FKBP1B: variants seen among roughly 807,000 people sequenced by gnomAD.
FKBP1B encodes FKBP prolyl isomerase 1B.
Under a neutral mutation model 13.5 loss-of-function variants are expected in FKBP1B, and 4 were observed. The observed-to-expected ratio is 0.30, with a 90% CI of 0.15 to 0.68. The LOEUF is 0.68. FKBP1B is among the 30% of genes least tolerant of loss of function. The probability of loss-of-function intolerance (pLI) is 0.76; values close to 1 mark genes in which losing one functional copy is unlikely to be tolerated. For missense variants in FKBP1B, 93 were observed against 136.2 expected (o/e 0.68, Z 1.58); for synonymous variants, 54 against 53.6 (o/e 1.01, Z -0.03).
At chr2:24,038,727 T>G in the FKBP1B span, 15 of 1,614,254 alleles carry the variant, frequency 9.3e-6, no homozygotes, top group Non-Finnish European at 1.3e-5. Context: ...TAGAGCGTAC[T>G]TCACCAATAA....
intron 3 of FKBP1B, 125 bp from the exon 4 acceptor site, chr2:24,062,939 C>T: frequency 1.4e-6 from 2 of 1,401,682 alleles, no homozygotes; most frequent in South Asian, 2.5e-5. Context: ...ATGTAAAATT[C>T]ATCTGAGATC....
chr2:24,040,029 G>A, the FKBP1B span, among the ~76,000 whole-genome samples: 473 of 152,116 alleles, frequency 3.1e-3, no homozygotes, highest in Non-Finnish European at 4.9e-3. Context: ...TCAAACTCCT[G>A]ACCTCAGGCA....
At chr2:24,057,154 TTTC>T (rs1664163613) in intron 2 of FKBP1B, among the ~76,000 whole-genome samples, 1 of 151,992 alleles carries the variant, frequency 6.6e-6, no homozygotes, top group Non-Finnish European at 1.5e-5. Context: ...TAGTTTATAT[TTTC>T]TTCTTTTCTT....
chr2:24,035,936 GCAC>G, the FKBP1B span, among the ~76,000 whole-genome samples: 1 of 151,802 alleles, frequency 6.6e-6, no homozygotes, highest in African/African-American at 2.4e-5. Context: ...AGGTGTGGTG[GCAC>G]GTGCCTGTAA....
chr2:24,063,479 T>TTCATGATA lies in FKBP1B; in HGVS notation c.*287_*288insTCATGATA. 9.1e-6 allele frequency: 3 copies of TTCATGATA among 328,394 alleles called. No homozygotes were observed. The highest frequency in any genetic ancestry group is 2.1e-4 in the South Asian group (2 of 9,632). 20.3% of individuals were successfully genotyped at this position (328,394 alleles called of 1,614,324 possible). A position where few individuals can be genotyped will look rare whatever the true frequency, so the allele number is the denominator to read the frequency against. ...TGATGACAGAACACAGATCTCTTGT[T>TTCATGATA]CGCACAATCTACACTGCCTTACCTT... On this transcript the variant is annotated 3_prime_UTR_variant, in exon 4 of 4. Coordinates refer to ENST00000380986, the MANE Select transcript of FKBP1B (RefSeq NM_004116.5).
At chr2:24,049,556 C>T, upstream of FKBP1B, 1 of 322,756 alleles carries the variant, frequency 3.1e-6, no homozygotes, top group Non-Finnish European at 5.6e-6. Flanking sequence ...GTGCTTACCA[C>T]GCTCCCTGGT....
chr2:24,041,587 C>A, the FKBP1B span, among the ~76,000 whole-genome samples: 1 of 151,744 alleles, frequency 6.6e-6, no homozygotes, highest in South Asian at 2.1e-4. Context: ...ACCCATTACA[C>A]CCAAAGTGTA....
At chr2:24,060,191 A>T (rs1380412735) in intron 2 of FKBP1B, among the ~76,000 whole-genome samples, 1 of 152,216 alleles carries the variant, frequency 6.6e-6, no homozygotes, top group Non-Finnish European at 1.5e-5. Context: ...GAGGATCAAA[A>T]AGACCAGTTA....
At chr2:24,037,838 C>T in the FKBP1B span, 1 of 1,614,186 alleles carries the variant, frequency 6.2e-7, no homozygotes, top group South Asian at 1.1e-5. Flanking sequence ...TGATAAGTTT[C>T]CTTTTCACTT....
chr2:24,061,056 A>T, intron 3 of FKBP1B, 130 bp downstream of exon 3: 2 of 671,678 alleles, frequency 3.0e-6, no homozygotes, highest in Non-Finnish European at 5.2e-6. Flanking sequence ...GGGCATGGCA[A>T]CGCCATCTGG....
chr2:24,059,373 G>GGA (rs1553320919), intron 2 of FKBP1B, among the ~76,000 whole-genome samples: 14 of 54,144 alleles, frequency 2.6e-4, no homozygotes, highest in African/African-American at 1.1e-3. Flanking sequence ...ACCAGCACCT[G>GGA]GGGGGGGGTT....
chr2:24,063,349 A>G lies in FKBP1B; in HGVS notation c.*157A>G, dbSNP rs1573702970. Reference sequence around the variant, plus strand: ...ATTCTCTCTGCCCAAGTTGCTCTGTATGTGTTCGTCAGTGTTCATGCGAAT... The same window carrying G: ...ATTCTCTCTGCCCAAGTTGCTCTGTGTGTGTTCGTCAGTGTTCATGCGAAT... On this transcript the variant is annotated 3_prime_UTR_variant, in exon 4 of 4. Coordinates refer to ENST00000380986, the MANE Select transcript of FKBP1B (RefSeq NM_004116.5). 15 of 696,366 alleles carry G rather than the reference A, an allele frequency of 2.2e-5. No individual in the cohort carries two copies. Among genetic ancestry groups the G allele is most frequent in the Non-Finnish European group, 3.3e-5 (15 of 449,214 alleles). The allele number at this position is 696,366 out of a possible 1,614,324, so 43.1% of individuals were successfully genotyped here.
chr2:24,040,385 A>G, the FKBP1B span, among the ~76,000 whole-genome samples: 1 of 152,240 alleles, frequency 6.6e-6, no homozygotes, highest in Non-Finnish European at 1.5e-5. Flanking sequence ...AAATTTAAGA[A>G]AAGTCTCCTC....
At chr2:24,038,868 G>A in the FKBP1B span, 3 of 1,614,132 alleles carry the variant, frequency 1.9e-6, no homozygotes, top group Non-Finnish European at 8.5e-7. Flanking sequence ...CAGTTGCTGT[G>A]ATGGAGCAGA....
rs1463329529 is a variant in FKBP1B at position 24,063,377 on chromosome 2, T to G, written c.*185T>G. 24 of 559,364 alleles carry G rather than the reference T, an allele frequency of 4.3e-5. No individual in the cohort carries two copies. The highest frequency in any genetic ancestry group is 7.1e-5 in the Non-Finnish European group (24 of 339,686). The allele number at this position is 559,364 out of a possible 1,614,324, so 34.7% of individuals were successfully genotyped here. A position where few individuals can be genotyped will look rare whatever the true frequency, so the allele number is the denominator to read the frequency against. ...TGTTCGTCAGTGTTCATGCGAATTCTTGCTTGAGGAAACTTCGGTTGCAGA... is the reference window on the plus strand; with the variant it reads ...TGTTCGTCAGTGTTCATGCGAATTCGTGCTTGAGGAAACTTCGGTTGCAGA... On this transcript the variant is annotated 3_prime_UTR_variant, in exon 4 of 4. Transcript: ENST00000380986.
chr2:24,057,111 A>C (rs1258839379), intron 2 of FKBP1B, among the ~76,000 whole-genome samples: 2 of 151,912 alleles, frequency 1.3e-5, no homozygotes, highest in African/African-American at 4.8e-5. Flanking sequence ...TTACTCTCTT[A>C]ATAGTATATT....
At chr2:24,051,333 C>CAAAAA (rs568507946) in intron 1 of FKBP1B, among the ~76,000 whole-genome samples, 1 of 141,120 alleles carries the variant, frequency 7.1e-6, no homozygotes, top group African/African-American at 2.6e-5. Flanking sequence ...GACTCTATCT[C>CAAAAA]AAAAAAAAAA....
At chr2:24,038,437 A>C in the FKBP1B span, 1 of 1,614,178 alleles carries the variant, frequency 6.2e-7, no homozygotes, top group Non-Finnish European at 8.5e-7. Flanking sequence ...CACTGCCACT[A>C]CGTGGGCTTT....
At chr2:24,042,962 G>A in the FKBP1B span, among the ~76,000 whole-genome samples, 3 of 151,716 alleles carry the variant, frequency 2.0e-5, no homozygotes, top group Non-Finnish European at 4.4e-5. Context: ...GAACCCAGGA[G>A]GCGGAGGTTG....
Sources: allele counts gnomAD v4.1 joint callset (sites outside exome capture counted in the v4.1 genomes callset), GRCh38; gene constraint gnomAD v4.1.1; transcripts MANE v1.5; gene names NCBI Gene and HGNC (gene_info 2026-07-23, HGNC 2026-07-21).